DDX50: variants seen among roughly 807,000 people sequenced by gnomAD.
The protein encoded by DDX50 is DExD-box helicase 50.
Under a neutral mutation model 94.8 loss-of-function variants are expected in DDX50, and 56 were observed. The ratio of observed to expected loss-of-function variants is 0.59; its 90% confidence interval spans 0.48 to 0.74. DDX50 has a LOEUF of 0.74. Among genes scored for constraint, DDX50 ranks in the 30% least tolerant of loss-of-function variants. The pLI is 0.00. For missense variants in DDX50, 713 were observed against 881.2 expected (o/e 0.81, Z 2.42); for synonymous variants, 264 against 295.4 (o/e 0.89, Z 1.09).
chr10:68,931,985 A>G (rs1469600513), intron 8 of DDX50, among the ~76,000 whole-genome samples: 1 of 152,126 alleles, frequency 6.6e-6, no homozygotes, highest in East Asian at 1.9e-4. Context: ...TTATGATGTT[A>G]GGTCTCAGCT....
At chr10:68,941,698 G>A (rs1244721879) in intron 13 of DDX50, among the ~76,000 whole-genome samples, 1 of 152,008 alleles carries the variant, frequency 6.6e-6, no homozygotes, top group Non-Finnish European at 1.5e-5. Context: ...AGAGTGCAAT[G>A]GCACAATCTC....
intron 7 of DDX50, among the ~76,000 whole-genome samples, chr10:68,916,336 A>G (rs1247697886): frequency 1.4e-5 from 2 of 139,726 alleles, no homozygotes; most frequent in Non-Finnish European, 3.0e-5. Context: ...CCTGGACAAC[A>G]GATTGAGACT....
chr10:68,925,268 T>C (rs1337789607), intron 8 of DDX50, among the ~76,000 whole-genome samples: 1 of 149,576 alleles, frequency 6.7e-6, no homozygotes, highest in Non-Finnish European at 1.5e-5. Flanking sequence ...CATGCCCAAC[T>C]AATTTTTTTT....
chr10:68,942,722 T>A (rs1842581407), intron 13 of DDX50, among the ~76,000 whole-genome samples: 1 of 151,974 alleles, frequency 6.6e-6, no homozygotes, highest in Non-Finnish European at 1.5e-5. Flanking sequence ...CAAGCGATCC[T>A]CCCACCTCAG....
chr10:68,904,934 T>G (rs1164273536), intron 1 of DDX50, among the ~76,000 whole-genome samples: 1 of 152,270 alleles, frequency 6.6e-6, no homozygotes, highest in Non-Finnish European at 1.5e-5. Context: ...GTGAAATAAC[T>G]CTAAAAGTTG....
At chr10:68,914,231 T>G in intron 7 of DDX50, 27 bp downstream of exon 7, 2 of 1,602,448 alleles carry the variant, frequency 1.2e-6, no homozygotes, top group Non-Finnish European at 8.5e-7. Context: ...CATGATAGAT[T>G]TTAGCTTTTA....
chr10:68,921,976 G>A (rs559043577), intron 8 of DDX50, among the ~76,000 whole-genome samples: 22 of 152,166 alleles, frequency 1.4e-4, no homozygotes, highest in African/African-American at 4.6e-4. Context: ...TTCTGGGTAC[G>A]CAGTGTACAC....
intron 8 of DDX50, among the ~76,000 whole-genome samples, chr10:68,922,170 A>T (rs889557267): frequency 2.6e-5 from 4 of 151,678 alleles, no homozygotes; most frequent in Admixed American, 6.6e-5. Context: ...CTTTTTCCTT[A>T]TTCAGTTTTC....
chr10:68,905,960 A>G (rs1841434017), intron 1 of DDX50, among the ~76,000 whole-genome samples: 1 of 152,194 alleles, frequency 6.6e-6, no homozygotes, highest in South Asian at 2.1e-4. Flanking sequence ...ATACAGGTTC[A>G]CTATCCCTTA....
At chr10:68,918,796 T>C (rs73268347) in intron 7 of DDX50, among the ~76,000 whole-genome samples, 1 of 152,126 alleles carries the variant, frequency 6.6e-6, no homozygotes, top group Non-Finnish European at 1.5e-5. Context: ...TATACCTGTT[T>C]TGGATATTTC....
At chr10:68,910,741 A>G (rs776256757) in intron 3 of DDX50, among the ~76,000 whole-genome samples, 1 of 152,206 alleles carries the variant, frequency 6.6e-6, no homozygotes, top group Non-Finnish European at 1.5e-5. Context: ...TTAAAAATCT[A>G]TCACTAGATT....
chr10:68,934,994 T>C lies in DDX50; in HGVS notation c.1521+76T>C, dbSNP rs1486731232. ...AGAGAGCTCTTCTTATATTTATTCTTACAAGTAGGTCTTCATAACTTTTCT... is the reference window on the plus strand; with the variant it reads ...AGAGAGCTCTTCTTATATTTATTCTCACAAGTAGGTCTTCATAACTTTTCT... On this transcript the variant is annotated intron_variant, in intron 10 of 14. Transcript: ENST00000373585. This position sits in a 1 kb window ranked among gnomAD's most constrained non-coding sequence, Gnocchi z 4.0. The C allele has an allele frequency of 1.3e-6, 2 of 1,489,374 alleles. No individual in the cohort carries two copies. The highest frequency in any genetic ancestry group is 8.9e-7 in the Non-Finnish European group (1 of 1,117,574). 92.3% of individuals were successfully genotyped at this position (1,489,374 alleles called of 1,614,324 possible). A position where few individuals can be genotyped will look rare whatever the true frequency, so the allele number is the denominator to read the frequency against.
chr10:68,908,690 G>A (rs1841540503), intron 2 of DDX50, among the ~76,000 whole-genome samples: 1 of 141,528 alleles, frequency 7.1e-6, no homozygotes, highest in Non-Finnish European at 1.5e-5. Flanking sequence ...ACCTAGGATG[G>A]AGTGCAGTGG....
chr10:68,935,791 C>T (rs1228200499), intron 10 of DDX50, among the ~76,000 whole-genome samples: 6 of 151,994 alleles, frequency 3.9e-5, no homozygotes, highest in Middle Eastern at 3.2e-3. Flanking sequence ...GCCAAGATCA[C>T]GCCACTGCAC....
intron 3 of DDX50, 21 bp from the exon 4 acceptor site, chr10:68,911,047 T>C: frequency 6.9e-7 from 1 of 1,445,402 alleles, no homozygotes; most frequent in Middle Eastern, 2.4e-4. Context: ...AGAAGTATTT[T>C]AATTAAATCT....
intron 8 of DDX50, among the ~76,000 whole-genome samples, chr10:68,922,067 AC>A (rs1841955219): frequency 6.6e-6 from 1 of 152,122 alleles, no homozygotes; most frequent in Admixed American, 6.5e-5. Context: ...ATTTGGTTTT[AC>A]AGTTGCTTTG....
chr10:68,925,277 T>TA (rs1366416857), intron 8 of DDX50, among the ~76,000 whole-genome samples: 3 of 151,696 alleles, frequency 2.0e-5, no homozygotes, highest in South Asian at 2.1e-4. Flanking sequence ...CTAATTTTTT[T>TA]TTTTTTATTT....
intron 14 of DDX50, among the ~76,000 whole-genome samples, chr10:68,945,309 ATT>A (rs11365482): frequency 1.9e-4 from 28 of 148,280 alleles, no homozygotes; most frequent in East Asian, 8.0e-4. Flanking sequence ...TAATAACAAC[ATT>A]TTTTTTTTTT....
intron 8 of DDX50, among the ~76,000 whole-genome samples, chr10:68,933,934 TA>T (rs202073299): frequency 4.2e-3 from 575 of 135,520 alleles, no homozygotes; most frequent in Non-Finnish European, 4.0e-3. Context: ...AAACTCTGTC[TA>T]AAAAAAAAAA....
Sources: allele counts gnomAD v4.1 joint callset (sites outside exome capture counted in the v4.1 genomes callset), GRCh38; gene constraint gnomAD v4.1.1; non-coding constraint Gnocchi (gnomAD v3.1); transcripts MANE v1.5; gene names NCBI Gene and HGNC (gene_info 2026-07-23, HGNC 2026-07-21).